Variants in PEX5L observed in about 807,000 individuals in gnomAD.
The protein encoded by PEX5L is PEX5-related protein.
In PEX5L, 30 loss-of-function variants were observed where a neutral mutation model predicts 84.0. The ratio of observed to expected loss-of-function variants is 0.36; its 90% CI spans 0.27 to 0.48. The LOEUF is 0.48. Among genes scored for constraint, PEX5L ranks in the 20% least tolerant of loss-of-function variants. PEX5L has a pLI of 0.99. For synonymous variants in PEX5L, 270 were observed against 283.1 expected, an observed-to-expected ratio of 0.95 and a Z score of 0.46; for missense variants, 533 against 754.6, an observed-to-expected ratio of 0.71 and a Z score of 3.44.
intron 2 of PEX5L, among the ~76,000 whole-genome samples, chr3:179,942,139 G>C (rs2109816513): frequency 6.6e-6 from 1 of 152,226 alleles, no homozygotes; most frequent in East Asian, 1.9e-4. Context: ...AGGAAAAGCT[G>C]TTGCCGTCTG....
rs773317572 is a variant in PEX5L at position 180,000,026 on chromosome 3, C to T, written c.22-28361G>A. 4.8e-4 allele frequency among the ~76,000 whole-genome samples: 73 copies of T among 152,084 alleles called. 2 individuals carry two copies. The highest frequency in any genetic ancestry group is 3.3e-4 in the Admixed American group (5 of 15,270). On this transcript the variant is annotated intron_variant, in intron 1 of 14. Transcript: ENST00000467460. ...TTTCCCACAGCCAGGAGTCACGGGT[C>T]CAGGAATCAAGGGATAGAAGTGGAA...
At chr3:179,968,173 T>C (rs6443684) in intron 2 of PEX5L, among the ~76,000 whole-genome samples, 138,986 of 152,214 alleles carry the variant, frequency 0.91, 63,486 homozygotes, top group East Asian at 0.97. Context: ...TTGTTACCTC[T>C]TTTAAGTCTA....
intron 1 of PEX5L, among the ~76,000 whole-genome samples, chr3:180,006,361 T>C (rs1280625129): frequency 6.9e-6 from 1 of 143,920 alleles, no homozygotes; most frequent in Non-Finnish European, 1.5e-5. Context: ...TTAAAAGTTT[T>C]CATTATTTTT....
chr3:179,822,436 G>C (rs1055902343), intron 8 of PEX5L, among the ~76,000 whole-genome samples: 2 of 152,160 alleles, frequency 1.3e-5, no homozygotes, highest in African/African-American at 2.4e-5. Context: ...CACTTAATGA[G>C]ATACACCAGA....
rs1186193350 is a variant in PEX5L, at chr3:180,036,734, G to A, written c.-135C>T. ...GTGCTCCTGAGCCCCCTGGAGCTCC[G>A]GGTACTCGGCCGGCCGGCGGCCACT... On this transcript the variant is annotated 5_prime_UTR_variant, in exon 1 of 15. Transcript: ENST00000467460. 1 of 926,800 alleles carries A rather than the reference G, an allele frequency of 1.1e-6. No homozygotes were observed. Among genetic ancestry groups the A allele is most frequent in the Non-Finnish European group, 1.8e-6 (1 of 568,664 alleles). 57.4% of individuals were successfully genotyped at this position (926,800 alleles called of 1,614,324 possible).
At chr3:179,943,061 C>T (rs1448348666) in intron 2 of PEX5L, among the ~76,000 whole-genome samples, 2 of 152,156 alleles carry the variant, frequency 1.3e-5, no homozygotes, top group Non-Finnish European at 2.9e-5. Context: ...GTAACATATA[C>T]CAAAGCACTT....
At position 179,862,625 on chromosome 3, in the gene PEX5L, T is replaced by C. The variant is rs75345366; in HGVS notation, c.727-3468A>G. 9.4e-3 allele frequency among the ~76,000 whole-genome samples: 1,436 copies of C among 152,184 alleles called. 30 individuals are homozygous for C. Among genetic ancestry groups the C allele is most frequent in the African/African-American group, 0.033 (1,355 of 41,500 alleles). Reference sequence around the variant, plus strand: ...CCTGTTGGTTCCTTCATTAATAAAATAAACATATAAAAATTTCAAGTGTGG... The same window carrying C: ...CCTGTTGGTTCCTTCATTAATAAAACAAACATATAAAAATTTCAAGTGTGG... On this transcript the variant is annotated intron_variant, in intron 7 of 14. Transcript: ENST00000467460.
chr3:179,890,513 G>GA (rs967914981), intron 3 of PEX5L, among the ~76,000 whole-genome samples: 1 of 151,958 alleles, frequency 6.6e-6, no homozygotes, highest in African/African-American at 2.4e-5. Flanking sequence ...TTATTTCTTT[G>GA]AAAAAAAGTT....
At chr3:179,810,898 C>T (rs1723501995) in intron 11 of PEX5L, among the ~76,000 whole-genome samples, 1 of 152,144 alleles carries the variant, frequency 6.6e-6, no homozygotes, top group South Asian at 2.1e-4. Flanking sequence ...ACCACTGACT[C>T]AGAGCTCCAG....
At chr3:179,902,360 G>C (rs563226914) in intron 2 of PEX5L, among the ~76,000 whole-genome samples, 1 of 152,160 alleles carries the variant, frequency 6.6e-6, no homozygotes, top group African/African-American at 2.4e-5. Flanking sequence ...ATAAATGTCC[G>C]TTGTTCATGA....
intron 1 of PEX5L, among the ~76,000 whole-genome samples, chr3:180,008,573 C>T (rs1370596765): frequency 6.6e-6 from 1 of 152,138 alleles, no homozygotes; most frequent in Non-Finnish European, 1.5e-5. Context: ...TAAAGACATA[C>T]CCAAGACTGG....
intron 2 of PEX5L, among the ~76,000 whole-genome samples, chr3:179,954,208 G>C (rs1004504457): frequency 1.2e-4 from 16 of 133,090 alleles, no homozygotes; most frequent in East Asian, 4.1e-4. Context: ...ATTAGTCGGG[G>C]GGGGGGGAAA....
chr3:179,818,902 C>T (rs919808354), intron 9 of PEX5L, among the ~76,000 whole-genome samples: 1 of 149,946 alleles, frequency 6.7e-6, no homozygotes, highest in African/African-American at 2.5e-5. Flanking sequence ...TGTGTACTGA[C>T]ACCATCACAG....
At position 179,984,637 on chromosome 3, in the gene PEX5L, T is replaced by C. The variant is rs201416505; in HGVS notation, c.22-12972A>G. Among the ~76,000 whole-genome samples, 3 of 152,194 alleles carry C rather than the reference T, an allele frequency of 2.0e-5. No individual in the cohort carries two copies. In the East Asian group the frequency reaches 5.8e-4, roughly 29 times the overall value. On this transcript the variant is annotated intron_variant, in intron 1 of 14. Transcript: ENST00000467460. Reference sequence around the variant, plus strand: ...CTGAGTTGGTAGAAAAATTAGCCTTTGGAAAATTAATTTTTGTTTTTCCTT... The same window carrying C: ...CTGAGTTGGTAGAAAAATTAGCCTTCGGAAAATTAATTTTTGTTTTTCCTT...
At chr3:179,866,649 C>G (rs752272932) in intron 7 of PEX5L, among the ~76,000 whole-genome samples, 3 of 152,110 alleles carry the variant, frequency 2.0e-5, no homozygotes, top group Non-Finnish European at 2.9e-5. Context: ...GAATCTTATA[C>G]TAGAATAGAT....
intron 1 of PEX5L, among the ~76,000 whole-genome samples, chr3:180,017,753 T>C (rs867579388): frequency 6.6e-6 from 1 of 152,182 alleles, no homozygotes; most frequent in Non-Finnish European, 1.5e-5. Context: ...TCATAAAGCT[T>C]TGTTTCTGTA....
chr3:179,844,050 G>C lies in PEX5L; in HGVS notation c.822+15012C>G, dbSNP rs113349029. ...CTCTGGAACCAGAGGAAGCTAGACT[G>C]AGAAGCTGCATCTGCTTCTGCTCAT... On this transcript the variant is annotated intron_variant, in intron 8 of 14. Coordinates refer to ENST00000467460, the MANE Select transcript of PEX5L (RefSeq NM_016559.3). Among the ~76,000 whole-genome samples, 808 of 152,346 alleles carry C rather than the reference G, an allele frequency of 5.3e-3. 9 individuals carry two copies. The highest frequency in any genetic ancestry group is 0.018 in the African/African-American group (769 of 41,580).
At chr3:179,909,018 A>G (rs974268460) in intron 2 of PEX5L, among the ~76,000 whole-genome samples, 1 of 152,178 alleles carries the variant, frequency 6.6e-6, no homozygotes, top group Non-Finnish European at 1.5e-5. Context: ...ATATGAATTG[A>G]CTATGAACTA....
intron 4 of PEX5L, among the ~76,000 whole-genome samples, chr3:179,883,961 A>G (rs1281945300): frequency 6.6e-6 from 1 of 152,208 alleles, no homozygotes; most frequent in African/African-American, 2.4e-5. Flanking sequence ...TGCTTGACAC[A>G]AACTGTAGAT....
Sources: gnomAD v4.1 joint callset for allele counts (sites outside exome capture counted in the v4.1 genomes callset) on GRCh38, gnomAD v4.1.1 for gene constraint, MANE v1.5 for transcripts, NCBI Gene and HGNC (gene_info 2026-07-23, HGNC 2026-07-21) for gene names.